The following GPT2 variants were observed in gnomAD, a reference collection of about 807,000 sequenced individuals.
The protein encoded by GPT2 is glutamic--pyruvic transaminase 2, also known as alanine aminotransferase 2.
Under a neutral mutation model 56.9 loss-of-function variants are expected in GPT2, and 30 were observed. The ratio of observed to expected loss-of-function variants is 0.53; its 90% CI spans 0.39 to 0.72. The LOEUF (loss-of-function observed/expected upper bound fraction) is 0.72, where lower values mean the gene tolerates loss of function less well. Ranked by LOEUF, GPT2 falls within the 30% of genes least tolerant of loss-of-function variation. The pLI, the probability that GPT2 is intolerant of heterozygous loss-of-function variation, is 0.00. For missense variants in GPT2, 542 were observed against 703.4 expected (o/e 0.77, Z 2.60); for synonymous variants, 271 against 283.1 (o/e 0.96, Z 0.43).
Position 46,906,823 on chromosome 16 carries a change from C to T in GPT2, c.443-19C>T, listed in dbSNP as rs1247429925. 1.2e-6 allele frequency: 2 copies of T among 1,613,200 alleles called. No homozygotes were observed. The highest frequency in any genetic ancestry group is 2.7e-5 in the African/African-American group (2 of 74,900). ...CCAGACATCCTGCCTCTGTTACTGT[C>T]TTGCCTGCTGTCTTACAGGGTCCTA... On this transcript the variant is annotated intron_variant, in intron 4 of 11. Coordinates refer to ENST00000340124, the MANE Select transcript of GPT2 (RefSeq NM_133443.4).
intron 2 of GPT2, among the ~76,000 whole-genome samples, chr16:46,886,947 C>T (rs1960494876): frequency 6.6e-6 from 1 of 152,200 alleles, no homozygotes; most frequent in Admixed American, 6.5e-5. Context: ...ATTCTCTTCT[C>T]ACTGTGAGTC....
chr16:46,887,397 G>T (rs1960504011), intron 2 of GPT2, among the ~76,000 whole-genome samples: 1 of 152,172 alleles, frequency 6.6e-6, no homozygotes, highest in Admixed American at 6.5e-5. Flanking sequence ...GAACCCGGAA[G>T]GTGGAGGTGG....
At chr16:46,922,196 G>A (rs1961300169) in intron 8 of GPT2, 46 bp from the exon 9 acceptor site, 1 of 1,586,922 alleles carries the variant, frequency 6.3e-7, no homozygotes, top group Non-Finnish European at 8.6e-7. Context: ...ACTTTGTTGA[G>A]GTCTTTCTAT....
At chr16:46,923,330 T>C (rs1961335611) in intron 9 of GPT2, among the ~76,000 whole-genome samples, 1 of 152,196 alleles carries the variant, frequency 6.6e-6, no homozygotes, top group Non-Finnish European at 1.5e-5. Context: ...GGATGGTACA[T>C]GCCTGTTATC....
chr16:46,893,287 C>G (rs1455937784), intron 2 of GPT2, among the ~76,000 whole-genome samples: 1 of 152,126 alleles, frequency 6.6e-6, no homozygotes, highest in Non-Finnish European at 1.5e-5. Context: ...CGTGCCACCA[C>G]GCCTGGCAAA....
At chr16:46,916,771 C>T in intron 7 of GPT2, 64 bp downstream of exon 7, 6 of 1,114,862 alleles carry the variant, frequency 5.4e-6, no homozygotes, top group African/African-American at 1.5e-5. Context: ...AGGGACCCAG[C>T]CCCCATTGTT....
At chr16:46,916,841 A>C in intron 7 of GPT2, 134 bp downstream of exon 7, 1 of 673,798 alleles carries the variant, frequency 1.5e-6, no homozygotes, top group East Asian at 2.5e-5. Flanking sequence ...GGGTGAGGAT[A>C]TTTAGTTTTA....
intron 2 of GPT2, among the ~76,000 whole-genome samples, chr16:46,897,281 G>A (rs2143390439): frequency 6.6e-6 from 1 of 152,244 alleles, no homozygotes; most frequent in Non-Finnish European, 1.5e-5. Flanking sequence ...GCTGAGGCAC[G>A]AGAATTGCTT....
intron 4 of GPT2, among the ~76,000 whole-genome samples, chr16:46,901,191 A>G (rs1334069883): frequency 6.6e-6 from 1 of 152,122 alleles, no homozygotes; most frequent in African/African-American, 2.4e-5. Flanking sequence ...ATGTCTCTGC[A>G]CTGTCTTGGA....
chr16:46,893,341 C>T (rs1323358810), intron 2 of GPT2, among the ~76,000 whole-genome samples: 1 of 152,186 alleles, frequency 6.6e-6, no homozygotes, highest in Admixed American at 6.5e-5. Flanking sequence ...CCGTGTTAGC[C>T]AGGATGGTCT....
intron 2 of GPT2, among the ~76,000 whole-genome samples, chr16:46,893,046 A>G (rs1173679829): frequency 2.0e-5 from 3 of 152,172 alleles, no homozygotes; most frequent in South Asian, 2.1e-4. Context: ...GTTCAACTCT[A>G]TTGTTTAGGG....
At chr16:46,927,293 A>G (rs1961437289) in intron 11 of GPT2, among the ~76,000 whole-genome samples, 2 of 152,168 alleles carry the variant, frequency 1.3e-5, no homozygotes, top group Admixed American at 1.3e-4. Context: ...CCCCTCTGCC[A>G]TCGGTCCCAT....
At chr16:46,917,669 C>CACACACAT (rs1961195880) in intron 7 of GPT2, among the ~76,000 whole-genome samples, 1 of 152,064 alleles carries the variant, frequency 6.6e-6, no homozygotes. Flanking sequence ...CCACACATGC[C>CACACACAT]ACACACATAA....
chr16:46,914,899 C>T (rs141833822), intron 6 of GPT2, among the ~76,000 whole-genome samples: 2 of 152,224 alleles, frequency 1.3e-5, no homozygotes, highest in African/African-American at 4.8e-5. Flanking sequence ...AGATTTAACT[C>T]CTGCAGTTGT....
rs182526613 is a variant in GPT2 at position 46,910,001 on chromosome 16, G to A, written c.820+74G>A. ...ATACACTGGCTGTCTAGAAACCAGA[G>A]TTAAATAATTGGAGGGTCTCTCTGC... On this transcript the variant is annotated intron_variant, in intron 6 of 11. Transcript: ENST00000340124. The A allele has an allele frequency of 2.0e-4, 304 of 1,492,966 alleles. 6 individuals carry two copies. In the Admixed American group the frequency reaches 6.5e-3, roughly 32 times the overall value. The allele number at this position is 1,492,966 out of a possible 1,614,324, so 92.5% of individuals were successfully genotyped here.
intron 8 of GPT2, 129 bp from the exon 9 acceptor site, chr16:46,922,113 G>T (rs1482998995): frequency 1.3e-6 from 1 of 775,636 alleles, no homozygotes; most frequent in East Asian, 2.7e-5. Flanking sequence ...CCTTCCATTG[G>T]CAAGAACTCA....
intron 11 of GPT2, among the ~76,000 whole-genome samples, chr16:46,927,603 GAAC>G (rs1257052715): frequency 6.6e-6 from 1 of 152,230 alleles, no homozygotes; most frequent in Non-Finnish European, 1.5e-5. Context: ...GTTCTCTTCA[GAAC>G]AACATCTTCC....
intron 2 of GPT2, among the ~76,000 whole-genome samples, chr16:46,889,088 G>T (rs958551895): frequency 1.3e-5 from 2 of 150,668 alleles, no homozygotes; most frequent in Non-Finnish European, 3.0e-5. Context: ...GTGCAGTGGC[G>T]CAATCTCAGC....
At chr16:46,892,099 A>G (rs1960598300) in intron 2 of GPT2, among the ~76,000 whole-genome samples, 1 of 152,214 alleles carries the variant, frequency 6.6e-6, no homozygotes, top group Non-Finnish European at 1.5e-5. Flanking sequence ...CACTGCTGGC[A>G]GCTATCACCT....
Sources: gnomAD v4.1 joint callset for allele counts (sites outside exome capture counted in the v4.1 genomes callset) on GRCh38, gnomAD v4.1.1 for gene constraint, MANE v1.5 for transcripts, NCBI Gene and HGNC (gene_info 2026-07-23, HGNC 2026-07-21) for gene names.